The following TIAM1 variants were observed in gnomAD, a reference collection of about 807,000 sequenced individuals.
TIAM1 encodes the protein TIAM Rac1 associated GEF 1, also known as rho guanine nucleotide exchange factor TIAM1.
A neutral mutation model predicts 163.5 loss-of-function variants in TIAM1; 65 were observed. That is an observed-to-expected ratio of 0.40 (90% CI 0.33 to 0.49). The LOEUF (loss-of-function observed/expected upper bound fraction) is 0.49. Among genes scored for constraint, TIAM1 ranks in the 20% least tolerant of loss-of-function variants. The probability of loss-of-function intolerance (pLI) is 0.77; values close to 1 mark genes in which losing one functional copy is unlikely to be tolerated. For synonymous variants in TIAM1, 833 were observed against 810.1 expected (o/e 1.03, Z -0.48); for missense variants, 1,789 against 2,044.7 (o/e 0.87, Z 2.41).
At chr21:31,310,750 G>A (rs1432649629) in intron 2 of TIAM1, among the ~76,000 whole-genome samples, 1 of 152,166 alleles carries the variant, frequency 6.6e-6, no homozygotes, top group Non-Finnish European at 1.5e-5. Flanking sequence ...AAGCAGACAA[G>A]TTAGAAAAGT....
chr21:31,389,946 G>T (rs1030643092), intron 2 of TIAM1, among the ~76,000 whole-genome samples: 1 of 152,102 alleles, frequency 6.6e-6, no homozygotes, highest in African/African-American at 2.4e-5. Context: ...ATTACATTCA[G>T]TAATCAGGAA....
chr21:31,514,693 C>CA (rs989834635), intron 1 of TIAM1, among the ~76,000 whole-genome samples: 9 of 149,376 alleles, frequency 6.0e-5, no homozygotes, highest in East Asian at 2.0e-4. Context: ...ACGCTTATCT[C>CA]AAAAAAAAAA....
intron 25 of TIAM1, among the ~76,000 whole-genome samples, chr21:31,129,619 G>A (rs1426082799): frequency 6.6e-6 from 1 of 152,212 alleles, no homozygotes; most frequent in East Asian, 1.9e-4. Context: ...AGTGAGCTAT[G>A]ATAGCACCAC....
At chr21:31,218,666 G>T (rs2087354227) in intron 8 of TIAM1, among the ~76,000 whole-genome samples, 1 of 152,116 alleles carries the variant, frequency 6.6e-6, no homozygotes, top group South Asian at 2.1e-4. Context: ...GCATGGATTG[G>T]GCTTAAGTCC....
chr21:31,543,438 C>T (rs2048383447), intron 1 of TIAM1, among the ~76,000 whole-genome samples: 1 of 152,162 alleles, frequency 6.6e-6, no homozygotes, highest in Non-Finnish European at 1.5e-5. Context: ...TGGCTGAGAC[C>T]TTGCCATCTA....
intron 2 of TIAM1, among the ~76,000 whole-genome samples, chr21:31,387,195 CTTTTTTTTTTTTTTTTT>C (rs60592178): frequency 5.3e-5 from 4 of 75,152 alleles, no homozygotes; most frequent in Admixed American, 1.4e-4. Flanking sequence ...AGCTTATTCT[CTTTTTTTTTTTTTTTTT>C]TTTTTTTTGG....
intron 1 of TIAM1, among the ~76,000 whole-genome samples, chr21:31,538,891 G>A (rs1022106604): frequency 3.3e-5 from 5 of 152,022 alleles, no homozygotes; most frequent in Non-Finnish European, 7.3e-5. Flanking sequence ...TGCACGCATC[G>A]TCCCTGCACG....
chr21:31,410,160 G>C (rs1192861489), intron 2 of TIAM1, among the ~76,000 whole-genome samples: 1 of 151,672 alleles, frequency 6.6e-6, no homozygotes, highest in Non-Finnish European at 1.5e-5. Flanking sequence ...GAGCATATAT[G>C]TGTGTGAAAA....
At chr21:31,492,325 C>A (rs897571037) in intron 1 of TIAM1, among the ~76,000 whole-genome samples, 3 of 152,154 alleles carry the variant, frequency 2.0e-5, no homozygotes, top group Admixed American at 6.5e-5. Flanking sequence ...GAAAACAGTT[C>A]TGAACTGAAA....
chr21:31,263,669 A>G (rs1197227268), intron 4 of TIAM1, among the ~76,000 whole-genome samples: 1 of 152,162 alleles, frequency 6.6e-6, no homozygotes, highest in African/African-American at 2.4e-5. Context: ...CAGAGAGCCA[A>G]AATACAACAG....
Position 31,339,243 on chromosome 21 carries a change from C to A in TIAM1, c.-189G>T. ...AGCCTTTTGCAAACGCCACACTTAC[C>A]CCATTGGAAACAGAAGAGGCTTTGT... On this transcript the variant is annotated splice_region_variant and 5_prime_UTR_variant, in exon 2 of 28. Transcript: ENST00000541036. The A allele has an allele frequency of 2.5e-6, 1 of 398,190 alleles. No individual in the cohort carries two copies. Among genetic ancestry groups the A allele is most frequent in the South Asian group, 1.3e-4 (1 of 7,728 alleles). 24.7% of individuals were successfully genotyped at this position (398,190 alleles called of 1,614,324 possible). A position where few individuals can be genotyped will look rare whatever the true frequency, so the allele number is the denominator to read the frequency against.
intron 2 of TIAM1, among the ~76,000 whole-genome samples, chr21:31,377,463 C>A (rs1218467135): frequency 6.6e-6 from 1 of 152,114 alleles, no homozygotes; most frequent in Non-Finnish European, 1.5e-5. Context: ...TCCTCAAGGG[C>A]TGGAGTGCCC....
At chr21:31,495,077 T>G (rs2147431202) in intron 1 of TIAM1, among the ~76,000 whole-genome samples, 1 of 152,222 alleles carries the variant, frequency 6.6e-6, no homozygotes, top group African/African-American at 2.4e-5. Flanking sequence ...TATATAAATG[T>G]GTAGGAGGAT....
intron 2 of TIAM1, among the ~76,000 whole-genome samples, chr21:31,317,619 T>C (rs906359924): frequency 6.6e-5 from 10 of 152,098 alleles, no homozygotes; most frequent in African/African-American, 2.2e-4. Flanking sequence ...GTCTCTACTA[T>C]AAACACGAAA....
chr21:31,380,987 T>C (rs1227118724), intron 2 of TIAM1, among the ~76,000 whole-genome samples: 1 of 152,232 alleles, frequency 6.6e-6, no homozygotes, highest in Non-Finnish European at 1.5e-5. Flanking sequence ...CTTTCACCGA[T>C]GAGTGAGTAC....
At chr21:31,509,028 A>G (rs1277673701) in intron 1 of TIAM1, among the ~76,000 whole-genome samples, 1 of 152,074 alleles carries the variant, frequency 6.6e-6, no homozygotes, top group African/African-American at 2.4e-5. Context: ...AAGAGGTGAG[A>G]CCCCCTGGAG....
intron 13 of TIAM1, among the ~76,000 whole-genome samples, chr21:31,193,795 C>G (rs1274666653): frequency 6.6e-6 from 1 of 152,176 alleles, no homozygotes; most frequent in Non-Finnish European, 1.5e-5. Flanking sequence ...TGAGTGCCGG[C>G]AGTGTGAATC....
At chr21:31,221,532 C>T (rs563151875) in intron 8 of TIAM1, among the ~76,000 whole-genome samples, 172 of 152,234 alleles carry the variant, frequency 1.1e-3, no homozygotes, top group Non-Finnish European at 1.8e-3. Flanking sequence ...TTAGAGGGTC[C>T]GAAGATGAAT....
chr21:31,433,844 C>T (rs534294261), intron 2 of TIAM1, among the ~76,000 whole-genome samples: 2 of 152,064 alleles, frequency 1.3e-5, no homozygotes, highest in Non-Finnish European at 2.9e-5. Flanking sequence ...GTCTCCCAGG[C>T]TGGAGTGCAG....
Sources: allele counts gnomAD v4.1 joint callset (sites outside exome capture counted in the v4.1 genomes callset), GRCh38; gene constraint gnomAD v4.1.1; transcripts MANE v1.5; gene names NCBI Gene and HGNC (gene_info 2026-07-23, HGNC 2026-07-21).